EEF1AKMT2: variants seen among roughly 807,000 people sequenced by gnomAD.
The protein encoded by EEF1AKMT2 is eukaryotic translation elongation factor 1 alpha lysine methyltransferase 2.
In EEF1AKMT2, 32 loss-of-function variants were observed where a neutral mutation model predicts 35.8. The ratio of observed to expected loss-of-function variants is 0.89; its 90% CI spans 0.67 to 1.20. The LOEUF (loss-of-function observed/expected upper bound fraction) is 1.20. Among genes scored for constraint, EEF1AKMT2 ranks in the 50% most tolerant of loss-of-function variants. The pLI, the probability that EEF1AKMT2 is intolerant of heterozygous loss-of-function variation, is 0.00. For missense variants in EEF1AKMT2, 330 were observed against 347.5 expected, an observed-to-expected ratio of 0.95 and a Z score of 0.40; for synonymous variants, 121 against 133.7, an observed-to-expected ratio of 0.91 and a Z score of 0.65.
intron 2 of EEF1AKMT2, among the ~76,000 whole-genome samples, chr10:124,789,955 G>C (rs531737814): frequency 1.3e-5 from 2 of 150,982 alleles, no homozygotes; most frequent in Non-Finnish European, 2.9e-5. Flanking sequence ...GCAGTGGCGC[G>C]ATCTCAGCTC....
chr10:124,778,637 T>A (rs536975820), intron 3 of EEF1AKMT2, among the ~76,000 whole-genome samples: 2 of 150,106 alleles, frequency 1.3e-5, no homozygotes, highest in Admixed American at 6.7e-5. Flanking sequence ...GGCAAGAGAA[T>A]CACTTGAACC....
intron 3 of EEF1AKMT2, among the ~76,000 whole-genome samples, chr10:124,782,351 G>C (rs1270267803): frequency 6.6e-6 from 1 of 151,996 alleles, no homozygotes; most frequent in Non-Finnish European, 1.5e-5. Context: ...GGGAGGCCGA[G>C]GCGGGAGGAT....
Position 124,760,457 on chromosome 10 carries a change from T to C in EEF1AKMT2, c.*46A>G. The stretch of plus-strand genomic sequence containing the variant: ...CTGCTACACTGTTTCCAGATCTGCC[T>C]CCAAAGCTGAACTTGGGTGTTGGTA... On this transcript the variant is annotated 3_prime_UTR_variant, in exon 7 of 7. Coordinates refer to ENST00000368836, the MANE Select transcript of EEF1AKMT2 (RefSeq NM_212554.4). The C allele has an allele frequency of 6.2e-7, 1 of 1,613,940 alleles. No individual in the cohort carries two copies. The highest frequency in any genetic ancestry group is 8.5e-7 in the Non-Finnish European group (1 of 1,179,852).
chr10:124,765,563 T>C lies in EEF1AKMT2; in HGVS notation c.445A>G (p.Ile149Val), dbSNP rs772243523. 1.1e-5 allele frequency: 17 copies of C among 1,613,926 alleles called. No individual in the cohort carries two copies. In the South Asian group the frequency reaches 1.9e-4, roughly 18 times the overall value. Reference sequence around the variant, plus strand: ...TCAAAAGTCCCTTTGTCAATACAAATATGAAATCCAGACAGCTGTGTGGAG... The same window carrying C: ...TCAAAAGTCCCTTTGTCAATACAAACATGAAATCCAGACAGCTGTGTGGAG... ...NLSTQLSGFH[I>V]CIDKGTFDAI... is the part of the protein sequence containing the mutation. The change falls in exon 5 of 7, where the codon ATT (isoleucine) becomes GTT (valine). Residue 149 changes from isoleucine to valine, a missense_variant. Coordinates refer to ENST00000368836, the MANE Select transcript of EEF1AKMT2 (RefSeq NM_212554.4).
chr10:124,791,761 C>T lies in EEF1AKMT2; in HGVS notation c.73G>A (p.Asp25Asn), dbSNP rs750176736. The change falls in exon 1 of 7, where the codon GAC (aspartate) becomes AAC (asparagine). Residue 25 changes from aspartate to asparagine, a missense_variant. Asp to Asn is a conservative substitution (Grantham distance 23). Transcript: ENST00000368836. ...CCCAGCGCCGACGGGACGAAACCGT[C>T]CTCCCCGGGACTGCCCTTGTCCGAC... ...ARSDKGSPGE[D>N]GFVPSALGTR... 3.1e-6 allele frequency: 5 copies of T among 1,595,528 alleles called. No homozygotes were observed. Among genetic ancestry groups the T allele is most frequent in the Admixed American group, 1.7e-5 (1 of 58,888 alleles).
chr10:124,771,646 G>A (rs887461740), intron 4 of EEF1AKMT2, among the ~76,000 whole-genome samples: 8 of 151,896 alleles, frequency 5.3e-5, no homozygotes, highest in Non-Finnish European at 1.0e-4. Context: ...AAGGCAGGCG[G>A]ATCACCAGGT....
chr10:124,780,617 C>T (rs1002087404), intron 3 of EEF1AKMT2, among the ~76,000 whole-genome samples: 2 of 150,198 alleles, frequency 1.3e-5, no homozygotes, highest in Admixed American at 1.3e-4. Flanking sequence ...TGTGGAGCAA[C>T]AGAAAAATTG....
chr10:124,788,710 T>TTA lies in EEF1AKMT2; in HGVS notation c.291+331_291+332dup, dbSNP rs146577563. 4.1e-3 allele frequency among the ~76,000 whole-genome samples: 382 copies of TTA among 92,516 alleles called. 27 individuals carry two copies. Among genetic ancestry groups the TTA allele is most frequent in the East Asian group, 0.012 (35 of 2,850 alleles). 60.7% of individuals were successfully genotyped at this position (92,516 alleles called of 152,430 possible). On this transcript the variant is annotated intron_variant, in intron 3 of 6. Coordinates refer to ENST00000368836, the MANE Select transcript of EEF1AKMT2 (RefSeq NM_212554.4). ...CTACTGGAATTGCAAAAGGTCATCT[T>TTA]TATATATATATATATATATGCATTT...
chr10:124,784,338 C>T (rs1589792651), intron 3 of EEF1AKMT2, among the ~76,000 whole-genome samples: 2 of 151,312 alleles, frequency 1.3e-5, no homozygotes, highest in South Asian at 2.1e-4. Context: ...CTAAATAACT[C>T]GTGGATTAAA....
At chr10:124,772,120 GA>G (rs1950442211) in intron 4 of EEF1AKMT2, among the ~76,000 whole-genome samples, 1 of 152,174 alleles carries the variant, frequency 6.6e-6, no homozygotes, top group South Asian at 2.1e-4. Flanking sequence ...TTCGGAATGG[GA>G]AATGGGCATT....
Position 124,760,628 on chromosome 10 carries a change from T to G in EEF1AKMT2, c.*-125A>C. On this transcript the variant is annotated intron_variant, in intron 6 of 6. Transcript: ENST00000368836. ...AACTATGATTCCAAACTCTAAATTG[T>G]GCTGAATTTCACTTCATGATTTTTC... 5 of 712,332 alleles carry G rather than the reference T, an allele frequency of 7.0e-6. No individual in the cohort carries two copies. The East Asian group carries it at 1.3e-4, about 19-fold the overall frequency. The allele number at this position is 712,332 out of a possible 1,614,324, so 44.1% of individuals were successfully genotyped here.
chr10:124,757,166 CCACACACACACACACA>C (rs55709011), downstream of EEF1AKMT2, among the ~76,000 whole-genome samples: 2 of 143,174 alleles, frequency 1.4e-5, no homozygotes, highest in Admixed American at 7.0e-5. Context: ...ACACTCCCTC[CCACACACACACACACA>C]CACACACACA....
intron 4 of EEF1AKMT2, among the ~76,000 whole-genome samples, chr10:124,768,712 T>G (rs1233449898): frequency 1.3e-5 from 2 of 151,878 alleles, no homozygotes; most frequent in Non-Finnish European, 2.9e-5. Context: ...ATGGTGCCAC[T>G]GCACTCCAGC....
In EEF1AKMT2 at chr10:124,771,313, A is replaced by G. The variant is rs370904762; in HGVS notation, c.399+3362T>C. On this transcript the variant is annotated intron_variant, in intron 4 of 6. Coordinates refer to ENST00000368836, the MANE Select transcript of EEF1AKMT2 (RefSeq NM_212554.4). ...ATGGGGTTTCACCATGTTAGCCAGG[A>G]TGGTCTTGATCTCCTGACCTTGTGA... is the stretch of plus-strand genomic sequence containing the variant. 1.2e-3 allele frequency among the ~76,000 whole-genome samples: 177 copies of G among 151,516 alleles called. 1 individual carries two copies. The highest frequency in any genetic ancestry group is 0.011 in the East Asian group (56 of 5,010).
At chr10:124,760,572 C>T (rs182339992) in intron 6 of EEF1AKMT2, 69 bp from the exon 7 acceptor site, 4 of 1,149,860 alleles carry the variant, frequency 3.5e-6, no homozygotes, top group East Asian at 2.3e-5. Flanking sequence ...TATATGCATG[C>T]ATTAACACTG....
At chr10:124,784,094 GATTACAGGTGTA>G (rs2134140638) in intron 3 of EEF1AKMT2, among the ~76,000 whole-genome samples, 1 of 152,190 alleles carries the variant, frequency 6.6e-6, no homozygotes, top group African/African-American at 2.4e-5. Flanking sequence ...AAAATGCTGG[GATTACAGGTGTA>G]AGCCACCACA....
intron 1 of EEF1AKMT2, 89 bp downstream of exon 1, chr10:124,791,635 T>G: frequency 6.6e-7 from 1 of 1,521,088 alleles, no homozygotes; most frequent in East Asian, 2.5e-5. Context: ...TCCCTGTCCC[T>G]GAGCCCCGGG....
At chr10:124,780,827 A>C (rs1272995845) in intron 3 of EEF1AKMT2, among the ~76,000 whole-genome samples, 3 of 152,232 alleles carry the variant, frequency 2.0e-5, no homozygotes, top group African/African-American at 7.2e-5. Context: ...AACTGCAAAA[A>C]ACAAAAGACA....
chr10:124,781,080 G>C (rs1950535714), intron 3 of EEF1AKMT2, among the ~76,000 whole-genome samples: 1 of 151,790 alleles, frequency 6.6e-6, no homozygotes. Context: ...TGAGTAGCTG[G>C]GACTACAAGG....
Sources: gnomAD v4.1 joint callset for allele counts (sites outside exome capture counted in the v4.1 genomes callset) on GRCh38, gnomAD v4.1.1 for gene constraint, MANE v1.5 for transcripts, NCBI Gene and HGNC (gene_info 2026-07-23, HGNC 2026-07-21) for gene names.